DEUP1: variants seen among roughly 807,000 people sequenced by gnomAD.
The protein encoded by DEUP1 is deuterosome assembly protein 1.
Under a neutral mutation model 87.4 loss-of-function variants are expected in DEUP1, and 82 were observed. The ratio of observed to expected loss-of-function variants is 0.94; its 90% CI spans 0.78 to 1.13. The LOEUF is 1.13. DEUP1 is among the 50% of genes most tolerant of loss of function. The pLI is 0.00. For missense variants in DEUP1, 663 were observed against 681.5 expected (o/e 0.97, Z 0.30); for synonymous variants, 214 against 222.7 (o/e 0.96, Z 0.35).
chr11:93,332,577 T>G (rs1943545954), intron 2 of DEUP1, among the ~76,000 whole-genome samples: 1 of 152,216 alleles, frequency 6.6e-6, no homozygotes, highest in African/African-American at 2.4e-5. Flanking sequence ...GCTCTTCTGT[T>G]ACCACAATGC....
intron 2 of DEUP1, among the ~76,000 whole-genome samples, chr11:93,343,698 C>G (rs562751693): frequency 2.6e-5 from 4 of 152,254 alleles, no homozygotes; most frequent in South Asian, 4.1e-4. Context: ...AAAAATGCAG[C>G]TTTAAATTTG....
intron 13 of DEUP1, among the ~76,000 whole-genome samples, chr11:93,437,039 C>T (rs1948267190): frequency 6.6e-6 from 1 of 152,120 alleles, no homozygotes; most frequent in African/African-American, 2.4e-5. Context: ...TCAAGCCTTC[C>T]CTACTAGGGA....
At chr11:93,362,611 A>G (rs550733503) in intron 4 of DEUP1, among the ~76,000 whole-genome samples, 1 of 151,994 alleles carries the variant, frequency 6.6e-6, no homozygotes, top group African/African-American at 2.4e-5. Context: ...GGAATGGAAA[A>G]TGGTACAGCC....
At chr11:93,356,443 C>G (rs762777634) in intron 3 of DEUP1, among the ~76,000 whole-genome samples, 5 of 152,106 alleles carry the variant, frequency 3.3e-5, no homozygotes, top group Non-Finnish European at 7.4e-5. Flanking sequence ...AAACAAGTGC[C>G]TCATCTGCCT....
At chr11:93,395,357 T>C (rs1258593203) in intron 10 of DEUP1, among the ~76,000 whole-genome samples, 3 of 152,202 alleles carry the variant, frequency 2.0e-5, no homozygotes, top group Non-Finnish European at 4.4e-5. Context: ...TTAATAATTT[T>C]CTAGGCATAT....
intron 2 of DEUP1, among the ~76,000 whole-genome samples, chr11:93,335,514 T>C (rs1943713236): frequency 6.6e-6 from 1 of 152,228 alleles, no homozygotes; most frequent in Non-Finnish European, 1.5e-5. Context: ...ACTATAATTG[T>C]AGTTTGTCTA....
At chr11:93,340,124 G>A (rs1330557152) in intron 2 of DEUP1, among the ~76,000 whole-genome samples, 1 of 152,164 alleles carries the variant, frequency 6.6e-6, no homozygotes, top group East Asian at 1.9e-4. Flanking sequence ...GAGGGAAACA[G>A]ATTATAGCAA....
chr11:93,428,594 A>G (rs1327894102), intron 13 of DEUP1, among the ~76,000 whole-genome samples: 2 of 152,166 alleles, frequency 1.3e-5, no homozygotes, highest in Admixed American at 6.6e-5. Context: ...TTAAAGTATA[A>G]TAATAATAAA....
intron 2 of DEUP1, among the ~76,000 whole-genome samples, chr11:93,345,707 CT>C (rs938643132): frequency 4.0e-5 from 6 of 151,672 alleles, no homozygotes. Flanking sequence ...GGGTTGTTTG[CT>C]TTTTTTTCTT....
At position 93,361,118 on chromosome 11, in the gene DEUP1, C is replaced by T. The variant is rs548328003; in HGVS notation, c.298-3042C>T. ...ATAATGGTGGCTTTCTCTCTGGAAA[C>T]GATGGAGGCTTTCAAGTGCTGAAAG... On this transcript the variant is annotated intron_variant, in intron 4 of 13. Transcript: ENST00000298050. Among the ~76,000 whole-genome samples the T allele has an allele frequency of 3.4e-4, 52 of 152,134 alleles. No homozygotes were observed. The South Asian group carries it at 9.8e-3, about 29-fold the overall frequency.
At chr11:93,430,925 G>A (rs1447475845) in intron 13 of DEUP1, among the ~76,000 whole-genome samples, 1 of 151,742 alleles carries the variant, frequency 6.6e-6, no homozygotes, top group Non-Finnish European at 1.5e-5. Context: ...GTGAAGCCCC[G>A]TCTCTACTAA....
At position 93,353,671 on chromosome 11, in the gene DEUP1, G is replaced by A. The variant is rs142918039; in HGVS notation, c.30-1700G>A. Among the ~76,000 whole-genome samples the A allele has an allele frequency of 6.4e-3, 976 of 152,354 alleles. 12 individuals are homozygous for A. The highest frequency in any genetic ancestry group is 0.021 in the African/African-American group (884 of 41,586). On this transcript the variant is annotated intron_variant, in intron 2 of 13. Coordinates refer to ENST00000298050, the MANE Select transcript of DEUP1 (RefSeq NM_181645.4). ...TCCCAAACCCCAATTCTTGACTTCT[G>A]TGCACCTGAAGGTTCAACAACATGT...
chr11:93,382,832 T>C (rs181574962), intron 7 of DEUP1, among the ~76,000 whole-genome samples: 126 of 152,356 alleles, frequency 8.3e-4, no homozygotes, highest in Non-Finnish European at 1.5e-3. Flanking sequence ...TTGAAATGTT[T>C]AATCTTGCCT....
In DEUP1 at chr11:93,389,072, G is replaced by A. The variant is rs749765257; in HGVS notation, c.988G>A (p.Glu330Lys). 2.4e-5 allele frequency: 38 copies of A among 1,604,004 alleles called. No individual in the cohort carries two copies. The highest frequency in any genetic ancestry group is 3.1e-5 in the Non-Finnish European group (36 of 1,175,574). The part of the protein sequence containing the change: ...SIKEPERKIK[E>K]LFSVMQDQPN... ...TAAAGAACCAGAAAGGAAAATAAAA[G>A]AGCTGTTTTCAGTGATGCAAGATCA... is the stretch of plus-strand genomic sequence containing the variant. Residue 330 changes from glutamate (E) to lysine (K), a missense_variant, in exon 9 of 14, where the codon GAG becomes AAG. Glu to Lys is a moderately conservative substitution (Grantham distance 56). Transcript: ENST00000298050.
intron 5 of DEUP1, among the ~76,000 whole-genome samples, chr11:93,364,542 CA>C (rs1945320079): frequency 1.3e-5 from 2 of 151,064 alleles, no homozygotes; most frequent in Non-Finnish European, 3.0e-5. Context: ...AAAAAAGAGC[CA>C]AAAAAGTCAA....
At position 93,363,390 on chromosome 11, in the gene DEUP1, G is replaced by C. The variant is rs118051390; in HGVS notation, c.298-770G>C. Among the ~76,000 whole-genome samples the C allele has an allele frequency of 9.3e-3, 1,418 of 151,936 alleles. 12 individuals carry two copies. The highest frequency in any genetic ancestry group is 0.031 in the South Asian group (150 of 4,826). On this transcript the variant is annotated intron_variant, in intron 4 of 13. Coordinates refer to ENST00000298050, the MANE Select transcript of DEUP1 (RefSeq NM_181645.4). Reference sequence around the variant, plus strand: ...CCAATTTCAATTTCCTGGGTTTGATGTACTGTGGTTCAATAAGATGTAAAT... The same window carrying C: ...CCAATTTCAATTTCCTGGGTTTGATCTACTGTGGTTCAATAAGATGTAAAT...
At chr11:93,413,054 C>G (rs913392349) in intron 12 of DEUP1, among the ~76,000 whole-genome samples, 1 of 152,010 alleles carries the variant, frequency 6.6e-6, no homozygotes, top group Non-Finnish European at 1.5e-5. Context: ...TAATAAGAAA[C>G]AAGTCTGTAA....
intron 9 of DEUP1, among the ~76,000 whole-genome samples, chr11:93,390,651 T>C (rs923892907): frequency 7.9e-5 from 12 of 152,276 alleles, no homozygotes; most frequent in African/African-American, 2.9e-4. Flanking sequence ...CTTTGAGTAA[T>C]ATAAAGAATC....
intron 7 of DEUP1, among the ~76,000 whole-genome samples, chr11:93,371,960 G>A (rs11020284): frequency 0.015 from 2,163 of 142,188 alleles, 20 homozygotes; most frequent in East Asian, 0.059. Context: ...ACGGAGTCTC[G>A]CTCTGTCGCC....
Sources: allele counts gnomAD v4.1 joint callset (sites outside exome capture counted in the v4.1 genomes callset), GRCh38; gene constraint gnomAD v4.1.1; transcripts MANE v1.5; gene names NCBI Gene and HGNC (gene_info 2026-07-23, HGNC 2026-07-21).